Variants in SCUBE3 observed in about 807,000 individuals in gnomAD.
SCUBE3 encodes the protein signal peptide, CUB and EGF-like domain-containing protein 3.
A neutral mutation model predicts 116.8 loss-of-function variants in SCUBE3; 33 were observed. That is an observed-to-expected ratio of 0.28 (90% CI 0.21 to 0.38). The LOEUF is 0.38. SCUBE3 is among the 10% of genes least tolerant of loss of function. The pLI, the probability that SCUBE3 is intolerant of heterozygous loss-of-function variation, is 1.00. For missense variants in SCUBE3, 1,007 were observed against 1,324.8 expected (o/e 0.76, Z 3.72); for synonymous variants, 418 against 496.9 (o/e 0.84, Z 2.11).
Position 35,245,261 on chromosome 6 carries a change from C to A in SCUBE3, c.2435C>A (p.Thr812Asn), listed in dbSNP as rs1784282895. The part of the protein sequence containing the change: ...RQCGGELGEF[T>N]GYIESPNYPG... The stretch of plus-strand genomic sequence containing the variant: ...TGTGGTGGGGAGCTGGGTGAGTTCA[C>A]TGGCTATATTGAGTCCCCCAACTAC... The change falls in exon 19 of 22, where the codon ACT becomes AAT. Residue 812 changes from threonine (T) to asparagine (N), a missense_variant. Thr to Asn is a moderately conservative substitution (Grantham distance 65). This residue lies in a region of SCUBE3 where 544 missense variants were observed against 638.9 expected (regional missense o/e 0.85). Coordinates refer to ENST00000274938, the MANE Select transcript of SCUBE3 (RefSeq NM_152753.4). This position sits in a 1 kb window ranked among gnomAD's most constrained non-coding sequence, Gnocchi z 4.2. 1 of 1,614,074 alleles carries A rather than the reference C, an allele frequency of 6.2e-7. No homozygotes were observed. Among genetic ancestry groups the A allele is most frequent in the South Asian group, 1.1e-5 (1 of 91,086 alleles).
intron 21 of SCUBE3, among the ~76,000 whole-genome samples, chr6:35,246,564 A>G (rs1387219648): frequency 1.3e-5 from 2 of 152,210 alleles, no homozygotes; most frequent in Non-Finnish European, 2.9e-5. Context: ...AGAGAAAGGG[A>G]AAGTGAGGAG....
Position 35,244,776 on chromosome 6 carries a change from A to C in SCUBE3, c.2366A>C (p.Asp789Ala), listed in dbSNP as rs1350277533. The C allele has an allele frequency of 6.2e-7, 1 of 1,614,224 alleles. No homozygotes were observed. Among genetic ancestry groups the C allele is most frequent in the Non-Finnish European group, 8.5e-7 (1 of 1,180,048 alleles). Residue 789 changes from aspartate (D) to alanine (A), a missense_variant, in exon 18 of 22, where the codon GAC becomes GCC. By Grantham distance (126) the Asp-to-Ala change is moderately radical. Around this residue, in one of 5 missense-constraint regions of SCUBE3, gnomAD observed 544 missense variants for 638.9 expected, o/e 0.85. Transcript: ENST00000274938. The surrounding 1 kb of genome is among the most constrained non-coding windows in gnomAD (Gnocchi z 4.3). ...CGCTGTCCAGGAAACACAAGCACAGACTTTGATGGCTCTACCAGTGTGGCC... is the reference window on the plus strand; with the variant it reads ...CGCTGTCCAGGAAACACAAGCACAGCCTTTGATGGCTCTACCAGTGTGGCC... ...CSRCPGNTST[D>A]FDGSTSVAQC... is the part of the protein sequence containing the mutation.
intron 21 of SCUBE3, among the ~76,000 whole-genome samples, chr6:35,247,199 C>T (rs1784376105): frequency 1.3e-5 from 2 of 152,094 alleles, no homozygotes; most frequent in Non-Finnish European, 2.9e-5. Context: ...CTTTGGGGGG[C>T]TGAGGCGGGT....
Position 35,245,345 on chromosome 6 carries a change from G to A in SCUBE3, c.2519G>A (p.Arg840His), listed in dbSNP as rs1328207750. The A allele has an allele frequency of 6.8e-6, 11 of 1,614,046 alleles. No individual in the cohort carries two copies. The highest frequency in any genetic ancestry group is 3.3e-5 in the South Asian group (3 of 91,088). Residue 840 changes from arginine (R) to histidine (H), a missense_variant, in exon 19 of 22, where the codon CGC (arginine) becomes CAC (histidine). Transcript: ENST00000274938. This position sits in a 1 kb window ranked among gnomAD's most constrained non-coding sequence, Gnocchi z 4.2. Reference protein sequence around the residue: ...CIWNINPPPKRKILIVVPEIF... With the variant: ...CIWNINPPPKHKILIVVPEIF... The stretch of plus-strand genomic sequence containing the variant: ...TGGAACATCAACCCCCCACCCAAGC[G>A]CAAGATCCTTATCGTGGTACCAGAG...
Position 35,243,620 on chromosome 6 carries a change from C to T in SCUBE3, c.1936C>T (p.His646Tyr). 5 of 1,613,712 alleles carry T rather than the reference C, an allele frequency of 3.1e-6. No individual in the cohort carries two copies. Among genetic ancestry groups the T allele is most frequent in the Non-Finnish European group, 4.2e-6 (5 of 1,179,752 alleles). Reference sequence around the variant, plus strand: ...CAGCTGCCCGCAGGGAACGTATTACCACGGCCAGACGGAGCAGTGTGTGCC... The same window carrying T: ...CAGCTGCCCGCAGGGAACGTATTACTACGGCCAGACGGAGCAGTGTGTGCC... Reference protein sequence around the residue: ...CVSCPQGTYYHGQTEQCVPCP... With the variant: ...CVSCPQGTYYYGQTEQCVPCP... The change falls in exon 16 of 22, where the codon CAC becomes TAC. Residue 646 changes from histidine (H) to tyrosine (Y), a missense_variant. By Grantham distance (83) the His-to-Tyr change is moderately conservative (BLOSUM62 2). Around this residue, in one of 5 missense-constraint regions of SCUBE3, gnomAD observed 544 missense variants for 638.9 expected, o/e 0.85. Coordinates refer to ENST00000274938, the MANE Select transcript of SCUBE3 (RefSeq NM_152753.4). This position sits in a 1 kb window ranked among gnomAD's most constrained non-coding sequence, Gnocchi z 6.6.
intron 1 of SCUBE3, chr6:35,224,602 G>C (rs1028260944): frequency 7.4e-6 from 1 of 134,964 alleles, no homozygotes; most frequent in Non-Finnish European, 1.5e-5. Context: ...CTGTACTCCA[G>C]CCTGGGTGAC....
At chr6:35,215,478 A>G (rs1018376687) in intron 1 of SCUBE3, among the ~76,000 whole-genome samples, 20 of 152,236 alleles carry the variant, frequency 1.3e-4, no homozygotes, top group Admixed American at 1.0e-3. Flanking sequence ...CAAAAAGAAA[A>G]TTCCTCCTGG....
chr6:35,226,844 T>C (rs889128433), intron 1 of SCUBE3, among the ~76,000 whole-genome samples: 6 of 152,092 alleles, frequency 3.9e-5, no homozygotes, highest in African/African-American at 1.4e-4. Context: ...CCTTCAAGTA[T>C]AGCTGTGTGT....
intron 1 of SCUBE3, among the ~76,000 whole-genome samples, chr6:35,215,535 C>G (rs747049423): frequency 6.6e-6 from 1 of 152,218 alleles, no homozygotes; most frequent in African/African-American, 2.4e-5. Context: ...GTCCCAGGGG[C>G]TCCTGAAGCC....
rs190817755 is a variant in SCUBE3 at position 35,253,019 on chromosome 6, G to A, written c.*4314G>A. Reference sequence around the variant, plus strand: ...AAAATATGTATCTGAATTGTAAAAAGAAATGTTTGGATTTTGTATGTCTTT... The same window carrying A: ...AAAATATGTATCTGAATTGTAAAAAAAAATGTTTGGATTTTGTATGTCTTT... On this transcript the variant is annotated 3_prime_UTR_variant, in exon 22 of 22. Transcript: ENST00000274938. The A allele has an allele frequency of 6.6e-6, 1 of 152,228 alleles. No homozygotes were observed. Among genetic ancestry groups the A allele is most frequent in the Admixed American group, 6.5e-5 (1 of 15,288 alleles). 9.4% of individuals were successfully genotyped at this position (152,228 alleles called of 1,614,324 possible). A position where few individuals can be genotyped will look rare whatever the true frequency, so the allele number is the denominator to read the frequency against.
intron 1 of SCUBE3, among the ~76,000 whole-genome samples, chr6:35,217,734 C>T (rs933034559): frequency 6.6e-6 from 1 of 152,082 alleles, no homozygotes; most frequent in Non-Finnish European, 1.5e-5. Context: ...AGGGTGGCCC[C>T]GTGGGCAGCC....
rs1784452253 is a variant in SCUBE3 at position 35,248,798 on chromosome 6, CCT to C, written c.*98_*99del. The C allele has an allele frequency of 4.1e-6, 4 of 986,404 alleles. No homozygotes were observed. The highest frequency in any genetic ancestry group is 1.6e-5 in the African/African-American group (1 of 61,510). 61.1% of individuals were successfully genotyped at this position (986,404 alleles called of 1,614,324 possible). A position where few individuals can be genotyped will look rare whatever the true frequency, so the allele number is the denominator to read the frequency against. On this transcript the variant is annotated 3_prime_UTR_variant, in exon 22 of 22. Coordinates refer to ENST00000274938, the MANE Select transcript of SCUBE3 (RefSeq NM_152753.4). Reference sequence around the variant, plus strand: ...CCTACCCTCAGACAAGGAACTCTCTCCTCTCTTTTTGGAGGGAAAAAAAAAAT... The same window carrying C: ...CCTACCCTCAGACAAGGAACTCTCTCCTCTTTTTGGAGGGAAAAAAAAAAT...
rs1451530843 is a variant in SCUBE3 at position 35,243,303 on chromosome 6, C to G, written c.1909+67C>G. On this transcript the variant is annotated intron_variant, in intron 15 of 21. Transcript: ENST00000274938. The surrounding 1 kb of genome is among the most constrained non-coding windows in gnomAD (Gnocchi z 6.6). ...AGTTTGGGCCTGACTCAGAGCAGGA[C>G]CCTTTGTGGCCTCAGATGCATTTCT... The G allele has an allele frequency of 7.6e-7, 1 of 1,323,304 alleles. No homozygotes were observed. The highest frequency in any genetic ancestry group is 1.4e-5 in the African/African-American group (1 of 69,388). The allele number at this position is 1,323,304 out of a possible 1,614,324, so 82.0% of individuals were successfully genotyped here.
Position 35,233,331 on chromosome 6 carries a change from A to T in SCUBE3, c.712+30A>T. ...GTGAGGCCAGGGGAGAACTCAGTCCACCTGAGATGGGGTGGGGGTGGGACC... is the reference window on the plus strand; with the variant it reads ...GTGAGGCCAGGGGAGAACTCAGTCCTCCTGAGATGGGGTGGGGGTGGGACC... On this transcript the variant is annotated intron_variant, in intron 6 of 21. Coordinates refer to ENST00000274938, the MANE Select transcript of SCUBE3 (RefSeq NM_152753.4). This position sits in a 1 kb window ranked among gnomAD's most constrained non-coding sequence, Gnocchi z 5.7. The T allele has an allele frequency of 7.9e-7, 1 of 1,260,240 alleles. No homozygotes were observed. The highest frequency in any genetic ancestry group is 1.2e-6 in the Non-Finnish European group (1 of 862,304). 78.1% of individuals were successfully genotyped at this position (1,260,240 alleles called of 1,614,324 possible). A position where few individuals can be genotyped will look rare whatever the true frequency, so the allele number is the denominator to read the frequency against.
At position 35,241,484 on chromosome 6, in the gene SCUBE3, A is replaced by G; in HGVS notation, c.1196-59A>G. 1.5e-6 allele frequency: 2 copies of G among 1,300,480 alleles called. No individual in the cohort carries two copies. The highest frequency in any genetic ancestry group is 2.2e-6 in the Non-Finnish European group (2 of 894,582). 80.6% of individuals were successfully genotyped at this position (1,300,480 alleles called of 1,614,324 possible). On this transcript the variant is annotated intron_variant, in intron 10 of 21. Coordinates refer to ENST00000274938, the MANE Select transcript of SCUBE3 (RefSeq NM_152753.4). This position sits in a 1 kb window ranked among gnomAD's most constrained non-coding sequence, Gnocchi z 4.1. ...TTATGCAAGTAGCTGATTCCTCCAA[A>G]TTACCCAACTGAGGGAAAGGAATGC...
Position 35,232,992 on chromosome 6 carries a change from G to A in SCUBE3, c.595+17G>A. On this transcript the variant is annotated intron_variant, in intron 5 of 21. Coordinates refer to ENST00000274938, the MANE Select transcript of SCUBE3 (RefSeq NM_152753.4). This position sits in a 1 kb window ranked among gnomAD's most constrained non-coding sequence, Gnocchi z 4.2. ...ACTGTAAATGTGAGATAATTGGGAT[G>A]GCAGGTGGGGCAGTGGGGTCGGGGG... The A allele has an allele frequency of 6.2e-7, 1 of 1,613,524 alleles. No homozygotes were observed. Among genetic ancestry groups the A allele is most frequent in the Non-Finnish European group, 8.5e-7 (1 of 1,179,552 alleles).
intron 6 of SCUBE3, among the ~76,000 whole-genome samples, chr6:35,237,344 A>ATCTT (rs1463280112): frequency 6.6e-6 from 1 of 152,136 alleles, no homozygotes; most frequent in Non-Finnish European, 1.5e-5. Flanking sequence ...TGGAAGTGGG[A>ATCTT]TCTTTCTTAA....
intron 1 of SCUBE3, chr6:35,218,208 G>C: frequency 1.1e-6 from 1 of 932,262 alleles, no homozygotes; most frequent in Non-Finnish European, 1.3e-6. Context: ...TGTGAGTTTG[G>C]GAATGTGAAG....
chr6:35,231,384 C>T lies in SCUBE3; in HGVS notation c.335-341C>T, dbSNP rs1304757966. Among the ~76,000 whole-genome samples the T allele has an allele frequency of 6.6e-6, 1 of 152,204 alleles. No individual in the cohort carries two copies. The highest frequency in any genetic ancestry group is 1.5e-5 in the Non-Finnish European group (1 of 68,044). On this transcript the variant is annotated intron_variant, in intron 3 of 21. Transcript: ENST00000274938. This position sits in a 1 kb window ranked among gnomAD's most constrained non-coding sequence, Gnocchi z 4.2. ...CCAATGTGACCAATCTCCATCCTTA[C>T]CTTCATCACTGTTCCTCTTTCTCTG...
Sources: gnomAD v4.1 joint callset for allele counts (sites outside exome capture counted in the v4.1 genomes callset) on GRCh38, gnomAD v4.1.1 for gene constraint, gnomAD v4.1.1 regional missense constraint, Gnocchi (gnomAD v3.1) non-coding constraint, MANE v1.5 for transcripts, NCBI Gene and HGNC (gene_info 2026-07-23, HGNC 2026-07-21) for gene names.